RYR3: variants seen among roughly 807,000 people sequenced by gnomAD.
RYR3 encodes the protein ryanodine receptor 3, also known as brain ryanodine receptor-calcium release channel.
Under a neutral mutation model 584.3 loss-of-function variants are expected in RYR3, and 207 were observed. The observed-to-expected ratio is 0.35, with a 90% CI of 0.32 to 0.40. The LOEUF (loss-of-function observed/expected upper bound fraction) is 0.40, where lower values mean the gene tolerates loss of function less well. RYR3 is among the 10% of genes least tolerant of loss of function. The probability of loss-of-function intolerance (pLI) is 1.00; values close to 1 mark genes in which losing one functional copy is unlikely to be tolerated. For synonymous variants in RYR3, 2,416 were observed against 2,248.5 expected (o/e 1.07, Z -2.11); for missense variants, 5,616 against 6,089.2 (o/e 0.92, Z 2.59).
chr15:33,865,067 A>C, intron 103 of RYR3, 64 bp from the exon 104 acceptor site: 1 of 1,338,438 alleles, frequency 7.5e-7, no homozygotes, highest in Non-Finnish European at 1.1e-6. Flanking sequence ...AAGAACAAAA[A>C]CAAACTGGGT....
At chr15:33,410,871 C>G (rs1286228149) in intron 1 of RYR3, among the ~76,000 whole-genome samples, 1 of 152,144 alleles carries the variant, frequency 6.6e-6, no homozygotes, top group African/African-American at 2.4e-5. Flanking sequence ...ACAATCATGG[C>G]AGAAGGCAAA....
chr15:33,507,633 C>T (rs1204196108), intron 3 of RYR3, among the ~76,000 whole-genome samples: 5 of 152,108 alleles, frequency 3.3e-5, no homozygotes, highest in Non-Finnish European at 5.9e-5. Flanking sequence ...AAAGAGATGT[C>T]CCCACCTCCC....
At chr15:33,725,202 C>CACACATAT (rs1391087187) in intron 45 of RYR3, among the ~76,000 whole-genome samples, 1 of 111,004 alleles carries the variant, frequency 9.0e-6, no homozygotes, top group African/African-American at 3.1e-5. Flanking sequence ...CACACACACA[C>CACACATAT]ATATATACAT....
intron 3 of RYR3, 94 bp from the exon 4 acceptor site, chr15:33,530,498 C>G (rs899395143): frequency 2.6e-5 from 22 of 855,342 alleles, no homozygotes; most frequent in Non-Finnish European, 4.1e-5. Flanking sequence ...TGGGTCTTTT[C>G]CTGGTAGTCT....
chr15:33,366,678 T>C (rs1353828076), intron 1 of RYR3, among the ~76,000 whole-genome samples: 1 of 151,908 alleles, frequency 6.6e-6, no homozygotes, highest in Non-Finnish European at 1.5e-5. Flanking sequence ...GCTAGGAAAA[T>C]GATGGGTGTT....
chr15:33,744,344 T>C (rs537395077), intron 52 of RYR3, among the ~76,000 whole-genome samples: 4 of 152,344 alleles, frequency 2.6e-5, no homozygotes, highest in African/African-American at 9.6e-5. Context: ...TTCACTTGTA[T>C]GGTTATTTGA....
At chr15:33,452,144 C>G (rs1472398034) in intron 1 of RYR3, among the ~76,000 whole-genome samples, 1 of 152,186 alleles carries the variant, frequency 6.6e-6, no homozygotes, top group African/African-American at 2.4e-5. Flanking sequence ...TGCGATCCAG[C>G]CTTTCTTTTA....
chr15:33,336,501 A>AGGAGG (rs1434386520), intron 1 of RYR3, among the ~76,000 whole-genome samples: 234 of 19,042 alleles, frequency 0.012, 29 homozygotes, highest in Middle Eastern at 0.062. Flanking sequence ...AAAGAAAGAA[A>AGGAGG]GAAGGAGGGA....
chr15:33,399,924 A>G (rs1001233166), intron 1 of RYR3, among the ~76,000 whole-genome samples: 5 of 152,148 alleles, frequency 3.3e-5, no homozygotes, highest in African/African-American at 9.7e-5. Flanking sequence ...AGAAGTGCAC[A>G]TACCACAACA....
intron 38 of RYR3, among the ~76,000 whole-genome samples, chr15:33,677,760 G>A (rs1484419643): frequency 6.6e-6 from 1 of 152,122 alleles, no homozygotes; most frequent in Admixed American, 6.6e-5. Context: ...CTCTGCTCAA[G>A]GTAGAAAACC....
At chr15:33,471,684 T>C (rs931056292) in intron 1 of RYR3, among the ~76,000 whole-genome samples, 1 of 152,012 alleles carries the variant, frequency 6.6e-6, no homozygotes, top group African/African-American at 2.4e-5. Context: ...TTGGGGGGTT[T>C]TAAGTTTTGT....
chr15:33,418,295 AT>A (rs2043972434), intron 1 of RYR3, among the ~76,000 whole-genome samples: 1 of 149,536 alleles, frequency 6.7e-6, no homozygotes, highest in African/African-American at 2.5e-5. Context: ...TCGGCTGCAA[AT>A]CCATCTGGTC....
chr15:33,687,522 C>T (rs917925343), intron 38 of RYR3, among the ~76,000 whole-genome samples: 18 of 152,204 alleles, frequency 1.2e-4, no homozygotes, highest in Admixed American at 9.2e-4. Flanking sequence ...CCATCCCCAT[C>T]AAGCTACCAA....
intron 27 of RYR3, among the ~76,000 whole-genome samples, chr15:33,643,839 A>G (rs774855639): frequency 6.6e-6 from 1 of 152,204 alleles, no homozygotes; most frequent in Non-Finnish European, 1.5e-5. Flanking sequence ...GCAAGATAAC[A>G]TATTCATCAT....
In RYR3 at chr15:33,865,138, ATGTCT is replaced by A; in HGVS notation, c.14526_14530del (p.Tyr4842Ter). On this transcript the variant is annotated stop_gained and frameshift_variant, in exon 104 of 104. Coordinates refer to ENST00000634891, the MANE Select transcript of RYR3 (RefSeq NM_001036.6). LOFTEE classifies it high-confidence loss of function. ...TTGTTCATATTATTTCAGGAATCTTATGTCTGGAAGATGTACCAAGAAAGGTGTTG... is the reference window on the plus strand; with the variant it reads ...TTGTTCATATTATTTCAGGAATCTTAGGAAGATGTACCAAGAAAGGTGTTG... The A allele has an allele frequency of 6.2e-7, 1 of 1,612,392 alleles. No homozygotes were observed. Among genetic ancestry groups the A allele is most frequent in the Non-Finnish European group, 8.5e-7 (1 of 1,178,682 alleles).
intron 38 of RYR3, among the ~76,000 whole-genome samples, chr15:33,682,010 C>A (rs1411947573): frequency 1.3e-5 from 2 of 152,166 alleles, no homozygotes; most frequent in African/African-American, 4.8e-5. Context: ...TTTACAGACC[C>A]CTGCAGCCTA....
At chr15:33,609,766 C>G (rs958826229) in intron 18 of RYR3, among the ~76,000 whole-genome samples, 1 of 152,046 alleles carries the variant, frequency 6.6e-6, no homozygotes, top group Admixed American at 6.6e-5. Context: ...GCAAGCTTTG[C>G]TGAATTTTAA....
At chr15:33,715,956 T>C (rs1269657865) in intron 43 of RYR3, among the ~76,000 whole-genome samples, 1 of 152,182 alleles carries the variant, frequency 6.6e-6, no homozygotes, top group Non-Finnish European at 1.5e-5. Context: ...ATCCCGAATG[T>C]TGGAGGTGGA....
chr15:33,577,397 A>G (rs113222462), intron 12 of RYR3, among the ~76,000 whole-genome samples: 27 of 152,260 alleles, frequency 1.8e-4, no homozygotes, highest in Non-Finnish European at 3.5e-4. Flanking sequence ...CCAAAACAGC[A>G]TGATACTGAT....
Sources: allele counts gnomAD v4.1 joint callset (sites outside exome capture counted in the v4.1 genomes callset), GRCh38; gene constraint gnomAD v4.1.1; transcripts MANE v1.5; gene names NCBI Gene and HGNC (gene_info 2026-07-23, HGNC 2026-07-21).